EDEM3: variants seen among roughly 807,000 people sequenced by gnomAD.
EDEM3 encodes the protein ER degradation-enhancing alpha-mannosidase-like protein 3.
EDEM3 carries 60 observed loss-of-function variants against 110.2 expected under a neutral mutation model. The observed-to-expected ratio is 0.54, with a 90% confidence interval of 0.44 to 0.67. The LOEUF is 0.67. EDEM3 is among the 30% of genes least tolerant of loss of function. The pLI, the probability that EDEM3 is intolerant of heterozygous loss-of-function variation, is 0.00. For synonymous variants in EDEM3, 352 were observed against 382.9 expected (o/e 0.92, Z 0.94); for missense variants, 996 against 1,121.0 (o/e 0.89, Z 1.59).
chr1:184,748,518 T>A (rs1003575030), intron 2 of EDEM3, among the ~76,000 whole-genome samples: 3 of 151,854 alleles, frequency 2.0e-5, no homozygotes, highest in African/African-American at 7.3e-5. Flanking sequence ...AGAAATAAAT[T>A]TGAAACTGTG....
chr1:184,726,244 A>G lies in EDEM3; in HGVS notation c.747+11T>C. ...CAATACCCAGGATATCAAAGACCGT[A>G]AAAAGCAAACCTCAAATATTGTTGC... On this transcript the variant is annotated intron_variant, in intron 7 of 19. Transcript: ENST00000318130. 1 of 1,612,526 alleles carries G rather than the reference A, an allele frequency of 6.2e-7. No homozygotes were observed. The highest frequency in any genetic ancestry group is 8.5e-7 in the Non-Finnish European group (1 of 1,179,050).
intron 5 of EDEM3, 46 bp downstream of exon 5, chr1:184,734,485 A>G: frequency 1.3e-6 from 1 of 761,190 alleles, no homozygotes; most frequent in South Asian, 3.8e-5. Context: ...TATATAAATA[A>G]ATAAAAATAA....
intron 13 of EDEM3, among the ~76,000 whole-genome samples, chr1:184,715,361 T>C (rs1650488083): frequency 6.6e-6 from 1 of 152,210 alleles, no homozygotes; most frequent in African/African-American, 2.4e-5. Flanking sequence ...CTTCAACTTG[T>C]TACCTCTTTT....
intron 13 of EDEM3, among the ~76,000 whole-genome samples, chr1:184,713,764 C>T (rs1650392026): frequency 6.6e-6 from 1 of 152,180 alleles, no homozygotes; most frequent in South Asian, 2.1e-4. Flanking sequence ...TTAGTTCTGT[C>T]ACCATGGGGA....
intron 2 of EDEM3, among the ~76,000 whole-genome samples, chr1:184,743,540 A>C (rs1571418280): frequency 1.3e-5 from 2 of 152,190 alleles, no homozygotes; most frequent in African/African-American, 4.8e-5. Flanking sequence ...TAAATTTACT[A>C]GGGCTTTGAG....
chr1:184,742,172 A>C (rs1558070284), intron 2 of EDEM3, among the ~76,000 whole-genome samples: 1 of 152,062 alleles, frequency 6.6e-6, no homozygotes, highest in Non-Finnish European at 1.5e-5. Flanking sequence ...ACACACAGAA[A>C]GGGGGGGAAA....
At chr1:184,701,032 G>A (rs1211868831) in intron 19 of EDEM3, among the ~76,000 whole-genome samples, 1 of 151,674 alleles carries the variant, frequency 6.6e-6, no homozygotes, top group Admixed American at 6.6e-5. Context: ...GGTCCTTAAG[G>A]GGATACTGTT....
At chr1:184,750,105 A>G (rs1223857531) in intron 1 of EDEM3, among the ~76,000 whole-genome samples, 1 of 152,230 alleles carries the variant, frequency 6.6e-6, no homozygotes, top group African/African-American at 2.4e-5. Context: ...CTTACATTGA[A>G]TAAACCACTA....
intron 18 of EDEM3, among the ~76,000 whole-genome samples, chr1:184,704,607 G>A (rs1649806689): frequency 8.7e-6 from 1 of 115,518 alleles, no homozygotes. Flanking sequence ...CCAAGATCAT[G>A]CCACTGCACT....
chr1:184,749,647 T>C, intron 1 of EDEM3, 55 bp from the exon 2 acceptor site: 1 of 1,338,410 alleles, frequency 7.5e-7, no homozygotes, highest in Non-Finnish European at 1.0e-6. Flanking sequence ...AAGTATATTC[T>C]ATTTATTATC....
chr1:184,729,166 T>C (rs996792190), intron 6 of EDEM3, among the ~76,000 whole-genome samples: 2 of 151,876 alleles, frequency 1.3e-5, no homozygotes, highest in Non-Finnish European at 2.9e-5. Flanking sequence ...TCTTGAGAGG[T>C]TTAAGAAAAA....
chr1:184,740,549 C>T (rs1652079430), intron 2 of EDEM3, among the ~76,000 whole-genome samples: 1 of 152,218 alleles, frequency 6.6e-6, no homozygotes, highest in African/African-American at 2.4e-5. Flanking sequence ...TGAATGATCA[C>T]TCTGTTTACT....
chr1:184,717,449 C>G (rs1432907100), intron 12 of EDEM3, 91 bp downstream of exon 12: 1 of 956,762 alleles, frequency 1.0e-6, no homozygotes, highest in African/African-American at 1.7e-5. Context: ...TAAAAGGGGA[C>G]TCTGAAAACC....
intron 4 of EDEM3, among the ~76,000 whole-genome samples, chr1:184,734,952 T>A (rs1651741378): frequency 6.6e-6 from 1 of 152,232 alleles, no homozygotes; most frequent in Non-Finnish European, 1.5e-5. Flanking sequence ...TCTAGTAGAA[T>A]TTGGCTTCTA....
chr1:184,700,741 C>T (rs758954238), intron 19 of EDEM3, among the ~76,000 whole-genome samples: 4 of 151,886 alleles, frequency 2.6e-5, no homozygotes, highest in African/African-American at 9.7e-5. Context: ...AAATGATAAC[C>T]GCTACAGACT....
At position 184,708,199 on chromosome 1, in the gene EDEM3, G is replaced by C; in HGVS notation, c.1991C>G (p.Thr664Ser). 1.2e-6 allele frequency: 2 copies of C among 1,613,748 alleles called. No individual in the cohort carries two copies. Among genetic ancestry groups the C allele is most frequent in the Non-Finnish European group, 1.7e-6 (2 of 1,179,832 alleles). ...CAGCCCAAACTGAGCTGGTCCAGCAGTCAATACTACCCTGCCAAAAAATGG... is the reference window on the plus strand; with the variant it reads ...CAGCCCAAACTGAGCTGGTCCAGCACTCAATACTACCCTGCCAAAAAATGG... ...SHPFFGRVVL[T>S]AGPAQFGLDL... Residue 664 changes from threonine (T) to serine (S), a missense_variant, in exon 17 of 20, where the codon ACT (threonine) becomes AGT (serine). Around this residue, in one of 5 missense-constraint regions of EDEM3, gnomAD observed 345 missense variants for 402.0 expected, o/e 0.86. Transcript: ENST00000318130.
chr1:184,722,266 TTA>T (rs1650947364), intron 8 of EDEM3, among the ~76,000 whole-genome samples: 1 of 152,036 alleles, frequency 6.6e-6, no homozygotes, highest in African/African-American at 2.4e-5. Context: ...AATCAACATA[TTA>T]TGTTATTTTA....
intron 1 of EDEM3, among the ~76,000 whole-genome samples, chr1:184,753,162 C>G (rs1245825207): frequency 6.6e-6 from 1 of 152,016 alleles, no homozygotes; most frequent in Non-Finnish European, 1.5e-5. Flanking sequence ...AGCCTAACCC[C>G]ATGAGATAAT....
chr1:184,726,429 A>T (rs1651197797), intron 6 of EDEM3, 40 bp from the exon 7 acceptor site: 1 of 1,587,246 alleles, frequency 6.3e-7, no homozygotes, highest in Non-Finnish European at 8.6e-7. Context: ...AGTTATCAAG[A>T]CAATGACCTT....
Sources: allele counts gnomAD v4.1 joint callset (sites outside exome capture counted in the v4.1 genomes callset), GRCh38; gene constraint gnomAD v4.1.1; regional missense constraint gnomAD v4.1.1; transcripts MANE v1.5; gene names NCBI Gene and HGNC (gene_info 2026-07-23, HGNC 2026-07-21).